ASCC3: variants seen among roughly 807,000 people sequenced by gnomAD.
ASCC3 encodes activating signal cointegrator 1 complex subunit 3.
In ASCC3, 158 loss-of-function variants were observed where a neutral mutation model predicts 256.3. That is an observed-to-expected ratio of 0.62 (90% confidence interval 0.54 to 0.70). The LOEUF (loss-of-function observed/expected upper bound fraction) is 0.70, where lower values mean the gene tolerates loss of function less well. Among genes scored for constraint, ASCC3 ranks in the 30% least tolerant of loss-of-function variants. The probability of loss-of-function intolerance (pLI) is 0.00; values close to 1 mark genes in which losing one functional copy is unlikely to be tolerated. For synonymous variants in ASCC3, 948 were observed against 883.4 expected (o/e 1.07, Z -1.30); for missense variants, 2,259 against 2,626.0 (o/e 0.86, Z 3.05).
At chr6:100,569,676 G>C (rs534975291) in intron 36 of ASCC3, among the ~76,000 whole-genome samples, 1 of 152,164 alleles carries the variant, frequency 6.6e-6, no homozygotes, top group Non-Finnish European at 1.5e-5. Flanking sequence ...GGCGCGGTCG[G>C]TTACTGTAAC....
intron 34 of ASCC3, among the ~76,000 whole-genome samples, chr6:100,600,881 A>G (rs372667979): frequency 3.9e-5 from 6 of 152,098 alleles, no homozygotes; most frequent in African/African-American, 1.4e-4. Flanking sequence ...ATGTTAATCC[A>G]TATTTAAAGA....
chr6:100,530,165 G>T, intron 37 of ASCC3: 1 of 604,250 alleles, frequency 1.7e-6, no homozygotes. Flanking sequence ...ATGTGTGTGA[G>T]ATGTGTTTTC....
chr6:100,552,151 A>T (rs1769333754), intron 36 of ASCC3, among the ~76,000 whole-genome samples: 1 of 151,530 alleles, frequency 6.6e-6, no homozygotes, highest in Admixed American at 6.6e-5. Flanking sequence ...TAATAATAAA[A>T]ATAATAGTAA....
chr6:100,517,815 C>T (rs1438832270), intron 38 of ASCC3, among the ~76,000 whole-genome samples, 176 bp downstream of exon 38: 1 of 152,092 alleles, frequency 6.6e-6, no homozygotes, highest in Non-Finnish European at 1.5e-5. Flanking sequence ...GACTGATGAT[C>T]AAATTCCAAA....
chr6:100,740,621 T>C (rs886404720), intron 10 of ASCC3, among the ~76,000 whole-genome samples: 2 of 152,224 alleles, frequency 1.3e-5, no homozygotes, highest in African/African-American at 2.4e-5. Flanking sequence ...TGCTCCTGTA[T>C]TGGACACATA....
Position 100,629,127 on chromosome 6 carries a change from A to C in ASCC3, c.4263T>G (p.Ala1421=). Reference sequence around the variant, plus strand: ...TCTCTGGCGTAGTGACGATAAGGTCAGCCTTGGCAATGGATTTCATATCAG... The same window carrying C: ...TCTCTGGCGTAGTGACGATAAGGTCCGCCTTGGCAATGGATTTCATATCAG... ...VTPDMKSIAK[A]DLIVTTPEKW... Residue 1421 remains alanine (A), a synonymous_variant, in exon 27 of 42, where the codon GCT becomes GCG. Transcript: ENST00000369162. 1 of 1,613,844 alleles carries C rather than the reference A, an allele frequency of 6.2e-7. No individual in the cohort carries two copies. The highest frequency in any genetic ancestry group is 8.5e-7 in the Non-Finnish European group (1 of 1,179,872).
At chr6:100,747,738 G>C (rs765143794) in intron 10 of ASCC3, among the ~76,000 whole-genome samples, 11 of 152,110 alleles carry the variant, frequency 7.2e-5, no homozygotes, top group Non-Finnish European at 1.0e-4. Flanking sequence ...AGGAGGAAGA[G>C]AGAGGGATGA....
chr6:100,578,752 G>C (rs1771021727), intron 36 of ASCC3, among the ~76,000 whole-genome samples: 1 of 152,094 alleles, frequency 6.6e-6, no homozygotes. Flanking sequence ...CTTTACGGCA[G>C]AACAATTTTT....
chr6:100,747,809 A>AT (rs1475596196), intron 10 of ASCC3, among the ~76,000 whole-genome samples: 11 of 152,060 alleles, frequency 7.2e-5, no homozygotes, highest in Non-Finnish European at 8.8e-5. Context: ...ATCAAATTGT[A>AT]TTTTTAAAAT....
chr6:100,630,949 T>C (rs1243562074), intron 26 of ASCC3, among the ~76,000 whole-genome samples, 179 bp downstream of exon 26: 1 of 152,136 alleles, frequency 6.6e-6, no homozygotes, highest in Non-Finnish European at 1.5e-5. Context: ...GATATCATTT[T>C]AATAGTAGGT....
intron 32 of ASCC3, 26 bp downstream of exon 32, chr6:100,606,714 T>C: frequency 6.3e-7 from 1 of 1,582,360 alleles, no homozygotes; most frequent in East Asian, 2.2e-5. Flanking sequence ...GAGCTTCATG[T>C]ATTTCTGTGA....
chr6:100,839,028 T>C (rs1236423487), intron 4 of ASCC3, among the ~76,000 whole-genome samples: 1 of 152,076 alleles, frequency 6.6e-6, no homozygotes, highest in Non-Finnish European at 1.5e-5. Flanking sequence ...CAGAAACATA[T>C]CTTTGTTTTA....
intron 10 of ASCC3, among the ~76,000 whole-genome samples, chr6:100,755,169 C>T (rs1364321891): frequency 6.6e-6 from 1 of 152,064 alleles, no homozygotes; most frequent in Non-Finnish European, 1.5e-5. Flanking sequence ...CACTGGAACA[C>T]TCTTTTGCTA....
At position 100,662,361 on chromosome 6, in the gene ASCC3, T is replaced by C. The variant is rs1174145094; in HGVS notation, c.2462A>G (p.His821Arg). The change falls in exon 15 of 42, where the codon CAT becomes CGT. Residue 821 changes from histidine (H) to arginine (R), a missense_variant. By Grantham distance (29) the His-to-Arg change is conservative. Coordinates refer to ENST00000369162, the MANE Select transcript of ASCC3 (RefSeq NM_006828.4). Reference protein sequence around the residue: ...TLAWGVNLPAHAVIIKGTQIY... With the variant: ...TLAWGVNLPARAVIIKGTQIY... ...AGCTCTTACCTTAATAATAACAGCATGGGCGGGAAGATTGACACCCCAGGC... is the reference window on the plus strand; with the variant it reads ...AGCTCTTACCTTAATAATAACAGCACGGGCGGGAAGATTGACACCCCAGGC... 6.2e-7 allele frequency: 1 copy of C among 1,612,904 alleles called. No individual in the cohort carries two copies.
intron 13 of ASCC3, among the ~76,000 whole-genome samples, chr6:100,706,116 T>A (rs754984314): frequency 8.6e-5 from 13 of 151,764 alleles, no homozygotes; most frequent in Non-Finnish European, 1.3e-4. Flanking sequence ...GACATACACA[T>A]ATAGTTAGAC....
chr6:100,618,852 C>CTGAA (rs1289920347), intron 30 of ASCC3, among the ~76,000 whole-genome samples: 1 of 152,178 alleles, frequency 6.6e-6, no homozygotes, highest in Non-Finnish European at 1.5e-5. Flanking sequence ...GGTAGAATTA[C>CTGAA]TGAATGCCTT....
At chr6:100,628,232 T>C (rs1774349218) in intron 27 of ASCC3, among the ~76,000 whole-genome samples, 2 of 151,074 alleles carry the variant, frequency 1.3e-5, no homozygotes, top group African/African-American at 4.9e-5. Flanking sequence ...GTTACCAGAG[T>C]CTAGGGGCAT....
In ASCC3 at chr6:100,867,991, A is replaced by T. The variant is rs1484816416; in HGVS notation, c.7T>A (p.Leu3Ile). The change falls in exon 2 of 42, where the codon TTA (leucine) becomes ATA (isoleucine). Residue 3 changes from leucine to isoleucine, a missense_variant. Coordinates refer to ENST00000369162, the MANE Select transcript of ASCC3 (RefSeq NM_006828.4). MA[L>I]PRLTGALRSF... ...CGCAAGGCTCCTGTGAGACGAGGTA[A>T]AGCCATCTATTATTCAATCAGTGAT... 2 of 1,612,136 alleles carry T rather than the reference A, an allele frequency of 1.2e-6. No homozygotes were observed. Among genetic ancestry groups the T allele is most frequent in the South Asian group, 2.2e-5 (2 of 90,984 alleles).
chr6:100,713,709 T>C (rs1255217860), intron 13 of ASCC3, among the ~76,000 whole-genome samples: 1 of 152,064 alleles, frequency 6.6e-6, no homozygotes, highest in African/African-American at 2.4e-5. Flanking sequence ...AAACTTCTCT[T>C]AAAAAAACTG....
Sources: allele counts gnomAD v4.1 joint callset (sites outside exome capture counted in the v4.1 genomes callset), GRCh38; gene constraint gnomAD v4.1.1; transcripts MANE v1.5; gene names NCBI Gene and HGNC (gene_info 2026-07-23, HGNC 2026-07-21).